HS3ST4: variants seen among roughly 807,000 people sequenced by gnomAD.
The protein encoded by HS3ST4 is heparan sulfate-glucosamine 3-sulfotransferase 4.
In HS3ST4, 17 loss-of-function variants were observed where a neutral mutation model predicts 29.2. The observed-to-expected ratio is 0.58, with a 90% confidence interval of 0.40 to 0.87. HS3ST4 has a LOEUF of 0.87. Ranked by LOEUF, HS3ST4 falls within the 40% of genes least tolerant of loss-of-function variation. The pLI is 0.00. For synonymous variants in HS3ST4, 314 were observed against 285.7 expected, an observed-to-expected ratio of 1.10 and a Z score of -1.00; for missense variants, 627 against 634.5, an observed-to-expected ratio of 0.99 and a Z score of 0.13.
At chr16:25,903,908 G>A (rs562120919) in intron 1 of HS3ST4, among the ~76,000 whole-genome samples, 43 of 152,274 alleles carry the variant, frequency 2.8e-4, no homozygotes, top group Admixed American at 2.4e-3. Flanking sequence ...CAAACTTGAC[G>A]TATTTCCAGC....
At chr16:25,974,393 A>C (rs1968924649) in intron 1 of HS3ST4, among the ~76,000 whole-genome samples, 1 of 152,116 alleles carries the variant, frequency 6.6e-6, no homozygotes, top group South Asian at 2.1e-4. Flanking sequence ...ATTTTTCAAC[A>C]CCATATCCTG....
Position 25,692,529 on chromosome 16 carries a change from A to ATGC in HS3ST4, c.114_115insCTG (p.Met38_Cys39insLeu). The ATGC allele has an allele frequency of 7.0e-7, 1 of 1,423,704 alleles. No homozygotes were observed. The highest frequency in any genetic ancestry group is 9.3e-7 in the Non-Finnish European group (1 of 1,076,308). The allele number at this position is 1,423,704 out of a possible 1,614,324, so 88.2% of individuals were successfully genotyped here. On this transcript the variant is annotated inframe_insertion, in exon 1 of 2. Coordinates refer to ENST00000331351, the MANE Select transcript of HS3ST4 (RefSeq NM_006040.3). The stretch of plus-strand genomic sequence containing the variant: ...GCCGCCGGCGCGCAAGCTGCTTTTT[A>ATGC]TGTGCACCTTGTCCCTGTCTGTCAC...
intron 1 of HS3ST4, among the ~76,000 whole-genome samples, chr16:26,016,475 A>G (rs1969363254): frequency 6.6e-6 from 1 of 152,226 alleles, no homozygotes; most frequent in African/African-American, 2.4e-5. Context: ...TTTGGCTAAT[A>G]TAGCTTGAAT....
At chr16:26,008,193 A>G (rs1346370221) in intron 1 of HS3ST4, among the ~76,000 whole-genome samples, 2 of 152,344 alleles carry the variant, frequency 1.3e-5, no homozygotes, top group East Asian at 3.9e-4. Flanking sequence ...ACGCTTTTAT[A>G]CTTTTTAGAC....
At chr16:26,026,409 G>T in intron 1 of HS3ST4, among the ~76,000 whole-genome samples, 1 of 152,156 alleles carries the variant, frequency 6.6e-6, no homozygotes, top group East Asian at 1.9e-4. Context: ...AGGTAGAGTG[G>T]CTCCAAGGTT....
intron 1 of HS3ST4, among the ~76,000 whole-genome samples, chr16:25,828,245 TTTC>T (rs879677657): frequency 0.018 from 934 of 52,462 alleles, 55 homozygotes; most frequent in South Asian, 0.027. Context: ...TTTCTTTCTC[TTTC>T]TTTCTTTCTT....
intron 1 of HS3ST4, among the ~76,000 whole-genome samples, chr16:26,020,054 G>A (rs1969398075): frequency 6.6e-6 from 1 of 151,980 alleles, no homozygotes; most frequent in East Asian, 1.9e-4. Flanking sequence ...CCTAAACACC[G>A]CCCCCCCTAC....
At chr16:25,899,686 G>A (rs879653076) in intron 1 of HS3ST4, among the ~76,000 whole-genome samples, 4 of 146,688 alleles carry the variant, frequency 2.7e-5, no homozygotes, top group Non-Finnish European at 6.1e-5. Flanking sequence ...TTTTTTTTTG[G>A]TATTTTTAGT....
Position 26,021,207 on chromosome 16 carries a change from T to C in HS3ST4, c.735-114405T>C, listed in dbSNP as rs370045299. Among the ~76,000 whole-genome samples, 65 of 152,326 alleles carry C rather than the reference T, an allele frequency of 4.3e-4. 2 individuals carry two copies. Among genetic ancestry groups the C allele is most frequent in the African/African-American group, 1.5e-3 (63 of 41,572 alleles). On this transcript the variant is annotated intron_variant, in intron 1 of 1. Coordinates refer to ENST00000331351, the MANE Select transcript of HS3ST4 (RefSeq NM_006040.3). ...CTGGCAGATTTATTTTATGTGGTGA[T>C]TTTTAAAAAGGAGTTTGTTGTCAAT...
chr16:26,119,551 G>A (rs970885954), intron 1 of HS3ST4, among the ~76,000 whole-genome samples: 6 of 152,104 alleles, frequency 3.9e-5, no homozygotes, highest in African/African-American at 9.7e-5. Flanking sequence ...GCCTGGAGTG[G>A]GCACGACCTG....
chr16:25,899,363 C>G (rs1206335100), intron 1 of HS3ST4, among the ~76,000 whole-genome samples: 2 of 152,226 alleles, frequency 1.3e-5, no homozygotes, highest in Non-Finnish European at 2.9e-5. Flanking sequence ...TCCATCTTCT[C>G]TCTTGCTCCT....
At chr16:26,034,237 A>G (rs531525797) in intron 1 of HS3ST4, among the ~76,000 whole-genome samples, 2 of 152,274 alleles carry the variant, frequency 1.3e-5, no homozygotes, top group South Asian at 4.2e-4. Flanking sequence ...GGGCAAGAGT[A>G]TGGTGGGTTC....
At chr16:25,826,669 A>G (rs1055489941) in intron 1 of HS3ST4, among the ~76,000 whole-genome samples, 1 of 152,222 alleles carries the variant, frequency 6.6e-6, no homozygotes, top group African/African-American at 2.4e-5. Context: ...AAGATAGTCT[A>G]GGAACCAGTG....
At position 26,059,095 on chromosome 16, in the gene HS3ST4, C is replaced by T. The variant is rs1479710463; in HGVS notation, c.735-76517C>T. On this transcript the variant is annotated intron_variant, in intron 1 of 1. Transcript: ENST00000331351. Reference sequence around the variant, plus strand: ...GATCAAGCAGAGAAACCCAAAGAAGCGATCCTAAGCCTCAGGTTCAAAGAA... The same window carrying T: ...GATCAAGCAGAGAAACCCAAAGAAGTGATCCTAAGCCTCAGGTTCAAAGAA... Among the ~76,000 whole-genome samples, 4 of 152,054 alleles carry T rather than the reference C, an allele frequency of 2.6e-5. No individual in the cohort carries two copies. The East Asian group carries it at 5.8e-4, about 22-fold the overall frequency.
chr16:25,817,904 A>G (rs1967110621), intron 1 of HS3ST4, among the ~76,000 whole-genome samples: 1 of 152,202 alleles, frequency 6.6e-6, no homozygotes, highest in South Asian at 2.1e-4. Context: ...TCATTTAGGT[A>G]ATACCTTTCC....
chr16:25,870,159 A>G (rs1967734896), intron 1 of HS3ST4, among the ~76,000 whole-genome samples: 1 of 151,816 alleles, frequency 6.6e-6, no homozygotes, highest in Non-Finnish European at 1.5e-5. Flanking sequence ...CCATCTATCC[A>G]TCATTTGCCC....
intron 1 of HS3ST4, among the ~76,000 whole-genome samples, chr16:25,819,824 A>G (rs543528607): frequency 2.6e-5 from 4 of 151,926 alleles, no homozygotes; most frequent in South Asian, 4.2e-4. Flanking sequence ...CAGTTTGGCC[A>G]ACATGGTGAA....
intron 1 of HS3ST4, among the ~76,000 whole-genome samples, chr16:25,943,522 T>C (rs1968594903): frequency 6.6e-6 from 1 of 152,172 alleles, no homozygotes; most frequent in Non-Finnish European, 1.5e-5. Context: ...GTCTGTTCTA[T>C]TACTGAAATG....
chr16:25,880,841 A>G lies in HS3ST4; in HGVS notation c.734+187690A>G, dbSNP rs1432586444. Among the ~76,000 whole-genome samples, 4 of 152,262 alleles carry G rather than the reference A, an allele frequency of 2.6e-5. No homozygotes were observed. In the East Asian group the frequency reaches 7.7e-4, roughly 29 times the overall value. Reference sequence around the variant, plus strand: ...CTTGTATGTCTTTTAAATAAAGAGTATGACTCCAGTTAAGATTGCAAGAAT... The same window carrying G: ...CTTGTATGTCTTTTAAATAAAGAGTGTGACTCCAGTTAAGATTGCAAGAAT... On this transcript the variant is annotated intron_variant, in intron 1 of 1. Transcript: ENST00000331351.
Sources: allele counts gnomAD v4.1 joint callset (sites outside exome capture counted in the v4.1 genomes callset), GRCh38; gene constraint gnomAD v4.1.1; transcripts MANE v1.5; gene names NCBI Gene and HGNC (gene_info 2026-07-23, HGNC 2026-07-21).